The following PPIL2 variants were observed in gnomAD, a reference collection of about 807,000 sequenced individuals.
PPIL2 encodes the protein RING-type E3 ubiquitin-protein ligase PPIL2.
PPIL2 carries 50 observed loss-of-function variants against 75.2 expected under a neutral mutation model. The observed-to-expected ratio is 0.66, with a 90% CI of 0.53 to 0.84. The LOEUF (loss-of-function observed/expected upper bound fraction) is 0.84, where lower values mean the gene tolerates loss of function less well. Among genes scored for constraint, PPIL2 ranks in the 40% least tolerant of loss-of-function variants. The pLI is 0.00. For synonymous variants in PPIL2, 245 were observed against 258.8 expected (o/e 0.95, Z 0.51); for missense variants, 590 against 685.0 (o/e 0.86, Z 1.55).
chr22:21,694,099 T>C (rs567645552), intron 16 of PPIL2, among the ~76,000 whole-genome samples: 1 of 152,298 alleles, frequency 6.6e-6, no homozygotes, highest in African/African-American at 2.4e-5. Flanking sequence ...AACTCGCCCA[T>C]GTGGCCTGGA....
rs28728130 is a variant in PPIL2 at position 21,687,140 on chromosome 22, G to A, written c.897+142G>A. ...GTCACTAGGCGGGACCCGCAGCAGT[G>A]CCCTGTGTCCTTCCTAGGGGGCCGC... is the stretch of plus-strand genomic sequence containing the variant. On this transcript the variant is annotated intron_variant, in intron 12 of 19. Transcript: ENST00000398831. 3.8e-6 allele frequency: 3 copies of A among 790,984 alleles called. No individual in the cohort carries two copies. In the East Asian group the frequency reaches 8.0e-5, roughly 21 times the overall value. 49.0% of individuals were successfully genotyped at this position (790,984 alleles called of 1,614,324 possible). A position where few individuals can be genotyped will look rare whatever the true frequency, so the allele number is the denominator to read the frequency against.
At chr22:21,694,703 C>T (rs754042800) in intron 17 of PPIL2, 38 bp downstream of exon 17, 27 of 1,612,464 alleles carry the variant, frequency 1.7e-5, no homozygotes, top group Non-Finnish European at 2.3e-5. Context: ...CGGCTGGGGG[C>T]CAGGCAGGCA....
intron 15 of PPIL2, among the ~76,000 whole-genome samples, chr22:21,692,169 TC>T (rs1179036345): frequency 8.6e-5 from 13 of 151,870 alleles, no homozygotes; most frequent in South Asian, 4.2e-4. Flanking sequence ...TTTTTTTTTT[TC>T]TTTGAGACGG....
At position 21,697,067 on chromosome 22, in the gene PPIL2, G is replaced by T. The variant is rs2067966468; in HGVS notation, c.*1577G>T. The T allele has an allele frequency of 7.0e-7, 1 of 1,436,028 alleles. No individual in the cohort carries two copies. The highest frequency in any genetic ancestry group is 1.4e-5 in the African/African-American group (1 of 70,838). 89.0% of individuals were successfully genotyped at this position (1,436,028 alleles called of 1,614,324 possible). On this transcript the variant is annotated 3_prime_UTR_variant, in exon 20 of 20. Coordinates refer to ENST00000398831, the MANE Select transcript of PPIL2 (RefSeq NM_014337.4). Reference sequence around the variant, plus strand: ...ATTGGTCGGGCCCCTGGGCTCTAGAGTGACTTTTGACGCCCTCCATCCCTC... The same window carrying T: ...ATTGGTCGGGCCCCTGGGCTCTAGATTGACTTTTGACGCCCTCCATCCCTC...
At position 21,695,692 on chromosome 22, in the gene PPIL2, C is replaced by G; in HGVS notation, c.*202C>G. 7.2e-7 allele frequency: 1 copy of G among 1,388,242 alleles called. No homozygotes were observed. Among genetic ancestry groups the G allele is most frequent in the Non-Finnish European group, 9.4e-7 (1 of 1,068,806 alleles). 86.0% of individuals were successfully genotyped at this position (1,388,242 alleles called of 1,614,324 possible). On this transcript the variant is annotated 3_prime_UTR_variant, in exon 20 of 20. Coordinates refer to ENST00000398831, the MANE Select transcript of PPIL2 (RefSeq NM_014337.4). ...GTTGCCAAGGGCCTTGGCCCTGTTTCCAGGACCTGGCCCAGCCAGAGCCCA... is the reference window on the plus strand; with the variant it reads ...GTTGCCAAGGGCCTTGGCCCTGTTTGCAGGACCTGGCCCAGCCAGAGCCCA...
rs571955930 is a variant in PPIL2, at chr22:21,692,838, A to G, written c.1140-978A>G. Among the ~76,000 whole-genome samples, 49 of 151,124 alleles carry G rather than the reference A, an allele frequency of 3.2e-4. 1 individual carries two copies. In the South Asian group the frequency reaches 7.0e-3, roughly 21 times the overall value. On this transcript the variant is annotated intron_variant, in intron 15 of 19. Transcript: ENST00000398831. ...CTACTCAGGAGGCTGAGGCAGGACT[A>G]TGACATGAACCTGGGAGGCGGAGCT...
rs1187342883 is a variant in PPIL2, at chr22:21,681,376, G to A, written c.373G>A (p.Val125Ile). 2.5e-6 allele frequency: 4 copies of A among 1,613,588 alleles called. No homozygotes were observed. Among genetic ancestry groups the A allele is most frequent in the Non-Finnish European group, 3.4e-6 (4 of 1,179,466 alleles). The change falls in exon 7 of 20, where the codon GTC (valine) becomes ATC (isoleucine). Residue 125 changes from valine to isoleucine, a missense_variant. Transcript: ENST00000398831. ...HIVAVRTTGN[V>I]YAYEAVEQLN... ...CGTGGCTGTGAGGACGACCGGCAAC[G>A]TCTACGCCTATGAGGTGTGTCCTCG... is the stretch of plus-strand genomic sequence containing the variant.
intron 6 of PPIL2, among the ~76,000 whole-genome samples, chr22:21,679,012 T>C (rs1044609877): frequency 2.0e-5 from 3 of 151,522 alleles, no homozygotes; most frequent in African/African-American, 7.3e-5. Flanking sequence ...TTCTCCTGGC[T>C]CAGCCTCCCG....
At chr22:21,683,030 A>ACCT (rs2067197450) in intron 8 of PPIL2, 152 bp from the exon 9 acceptor site, 1 of 715,092 alleles carries the variant, frequency 1.4e-6, no homozygotes, top group Non-Finnish European at 2.5e-6. Context: ...GGGGCAGACC[A>ACCT]CCTCCTCCCT....
intron 1 of PPIL2, chr22:21,669,371 A>C (rs1302074509): frequency 2.2e-6 from 1 of 445,856 alleles, no homozygotes; most frequent in Admixed American, 2.4e-5. Context: ...CTGTTCTCCA[A>C]CGCCTGGACT....
Position 21,688,030 on chromosome 22 carries a change from G to T in PPIL2, c.988-43G>T. 4 of 1,613,808 alleles carry T rather than the reference G, an allele frequency of 2.5e-6. No homozygotes were observed. In the South Asian group the frequency reaches 4.4e-5, roughly 18 times the overall value. On this transcript the variant is annotated intron_variant, in intron 13 of 19. Transcript: ENST00000398831. The stretch of plus-strand genomic sequence containing the variant: ...TTCAGTCAGGCAGGCGGTGGGCCTC[G>T]GGTCTCAGAGTGTGACTTGCTCACT...
chr22:21,692,217 G>A (rs926855945), intron 15 of PPIL2, among the ~76,000 whole-genome samples: 5 of 151,424 alleles, frequency 3.3e-5, no homozygotes, highest in Admixed American at 6.6e-5. Context: ...GTGCAGCGGC[G>A]CGATCTCGGC....
Position 21,674,242 on chromosome 22 carries a change from C to T in PPIL2, c.244-822C>T, listed in dbSNP as rs189949957. 2.2e-4 allele frequency among the ~76,000 whole-genome samples: 34 copies of T among 152,302 alleles called. No homozygotes were observed. In the East Asian group the frequency reaches 6.4e-3, roughly 29 times the overall value. On this transcript the variant is annotated intron_variant, in intron 5 of 19. Transcript: ENST00000398831. ...TCCCTTCCAGGGTCTCCCCACAGCC[C>T]CGCCCCCAGCAGTTCCCACCTCCGG... is the stretch of plus-strand genomic sequence containing the variant.
chr22:21,672,011 A>T (rs1046536088), intron 4 of PPIL2, among the ~76,000 whole-genome samples: 1 of 152,158 alleles, frequency 6.6e-6, no homozygotes, highest in Non-Finnish European at 1.5e-5. Flanking sequence ...TGACTGAAAC[A>T]CTGCACTCCA....
intron 7 of PPIL2, 82 bp downstream of exon 7, chr22:21,681,472 T>A: frequency 7.7e-7 from 1 of 1,292,150 alleles, no homozygotes; most frequent in Non-Finnish European, 1.1e-6. Context: ...CTGGGCTGTG[T>A]GCTACGTGTA....
chr22:21,675,365 G>A (rs1287071177), intron 6 of PPIL2, among the ~76,000 whole-genome samples: 5 of 152,084 alleles, frequency 3.3e-5, no homozygotes, highest in Non-Finnish European at 7.4e-5. Context: ...GTAAAACCCC[G>A]TTTCTACTAA....
In PPIL2 at chr22:21,693,739, A is replaced by G. The variant is rs185370273; in HGVS notation, c.1140-77A>G. ...CCAGAGCTGGCTGTAGAGGGTGGGC[A>G]GCTCCTGGTGTGCTCTTAGGCAGGC... On this transcript the variant is annotated intron_variant, in intron 15 of 19. Transcript: ENST00000398831. 7 of 1,400,866 alleles carry G rather than the reference A, an allele frequency of 5.0e-6. No homozygotes were observed. The Admixed American group carries it at 1.2e-4, about 24-fold the overall frequency. 86.8% of individuals were successfully genotyped at this position (1,400,866 alleles called of 1,614,324 possible).
intron 8 of PPIL2, 50 bp downstream of exon 8, chr22:21,682,576 A>G: frequency 7.0e-7 from 1 of 1,437,826 alleles, no homozygotes; most frequent in Non-Finnish European, 9.5e-7. Context: ...ACCTGCAGCC[A>G]GCCCAGGCCT....
intron 6 of PPIL2, among the ~76,000 whole-genome samples, chr22:21,679,815 C>A (rs980125015): frequency 6.6e-6 from 1 of 151,348 alleles, no homozygotes; most frequent in Non-Finnish European, 1.5e-5. Context: ...AGGCCAGGTG[C>A]GGTGGCTCAC....
Sources: allele counts gnomAD v4.1 joint callset (sites outside exome capture counted in the v4.1 genomes callset), GRCh38; gene constraint gnomAD v4.1.1; transcripts MANE v1.5; gene names NCBI Gene and HGNC (gene_info 2026-07-23, HGNC 2026-07-21).